AFF3: variants seen among roughly 807,000 people sequenced by gnomAD.
AFF3 encodes ALF transcription elongation factor 3, also known as AF4/FMR2 family member 3.
AFF3 carries 32 observed loss-of-function variants against 129.7 expected under a neutral mutation model. That is an observed-to-expected ratio of 0.25 (90% confidence interval 0.19 to 0.33). AFF3 has a LOEUF of 0.33. AFF3 is among the 10% of genes least tolerant of loss of function. The pLI, the probability that AFF3 is intolerant of heterozygous loss-of-function variation, is 1.00. For missense variants in AFF3, 1,373 were observed against 1,592.0 expected (o/e 0.86, Z 2.34); for synonymous variants, 644 against 635.4 (o/e 1.01, Z -0.20).
At chr2:99,746,660 T>C (rs1558810524) in intron 9 of AFF3, among the ~76,000 whole-genome samples, 1 of 152,094 alleles carries the variant, frequency 6.6e-6, no homozygotes, top group Non-Finnish European at 1.5e-5. Context: ...ATATCATCTG[T>C]AAGAATGATT....
At chr2:100,017,889 A>G (rs1267065463) in intron 4 of AFF3, among the ~76,000 whole-genome samples, 1 of 152,188 alleles carries the variant, frequency 6.6e-6, no homozygotes, top group East Asian at 1.9e-4. Flanking sequence ...CTGCTCACTG[A>G]CAAGCTTTGA....
chr2:99,888,957 G>A (rs1693331268), intron 7 of AFF3, among the ~76,000 whole-genome samples: 1 of 152,312 alleles, frequency 6.6e-6, no homozygotes, highest in Non-Finnish European at 1.5e-5. Flanking sequence ...TTGGCTTCAA[G>A]TGGTGGACGG....
intron 11 of AFF3, chr2:99,706,987 C>T: frequency 5.2e-6 from 3 of 576,838 alleles, no homozygotes; most frequent in Non-Finnish European, 6.6e-6. Context: ...TTTTATAGGA[C>T]ATTCACATTT....
intron 7 of AFF3, among the ~76,000 whole-genome samples, chr2:99,865,301 A>G (rs1294415980): frequency 1.3e-5 from 2 of 152,088 alleles, no homozygotes; most frequent in Admixed American, 6.6e-5. Flanking sequence ...CTTTGAGTGG[A>G]CTCTTTGAAG....
rs368005276 is a variant in AFF3, at chr2:99,908,521, C to T, written c.874-70997G>A. 2.7e-3 allele frequency among the ~76,000 whole-genome samples: 418 copies of T among 152,172 alleles called. 1 individual carries two copies. Among genetic ancestry groups the T allele is most frequent in the Middle Eastern group, 0.01 (3 of 294 alleles). Reference sequence around the variant, plus strand: ...AGCTTCTGCACAGCAAAAGAAACCACCATCAGAGTGAACAGGCAACCTACA... The same window carrying T: ...AGCTTCTGCACAGCAAAAGAAACCATCATCAGAGTGAACAGGCAACCTACA... On this transcript the variant is annotated intron_variant, in intron 7 of 24. Coordinates refer to ENST00000672756, the MANE Select transcript of AFF3 (RefSeq NM_001386135.1).
chr2:99,568,921 A>G lies in AFF3; in HGVS notation c.2919-6T>C. 6.2e-7 allele frequency: 1 copy of G among 1,613,852 alleles called. No homozygotes were observed. Among genetic ancestry groups the G allele is most frequent in the Non-Finnish European group, 8.5e-7 (1 of 1,179,750 alleles). On this transcript the variant is annotated splice_region_variant and splice_polypyrimidine_tract_variant and intron_variant, in intron 18 of 24. Transcript: ENST00000672756. ...AATAATCGGCACTGCGAGGCCTACAAGGAGAGAATGATATTAAACGTCATT... is the reference window on the plus strand; with the variant it reads ...AATAATCGGCACTGCGAGGCCTACAGGGAGAGAATGATATTAAACGTCATT...
At chr2:99,998,664 TGAAG>T (rs941497930) in intron 7 of AFF3, among the ~76,000 whole-genome samples, 4 of 152,206 alleles carry the variant, frequency 2.6e-5, no homozygotes, top group African/African-American at 9.6e-5. Flanking sequence ...ATGCTATTCC[TGAAG>T]GTTATGTCTG....
intron 8 of AFF3, among the ~76,000 whole-genome samples, chr2:99,779,650 A>G (rs1270586422): frequency 1.3e-5 from 2 of 152,176 alleles, no homozygotes; most frequent in Non-Finnish European, 2.9e-5. Flanking sequence ...TGTACCCAGT[A>G]GATAGTTTTT....
At chr2:99,581,501 C>T (rs898037091) in intron 17 of AFF3, among the ~76,000 whole-genome samples, 11 of 151,600 alleles carry the variant, frequency 7.3e-5, no homozygotes, top group African/African-American at 2.4e-4. Flanking sequence ...TCTTTCTCAT[C>T]TTTCTTTGCA....
At chr2:99,910,367 T>C (rs930365890) in intron 7 of AFF3, among the ~76,000 whole-genome samples, 3 of 152,220 alleles carry the variant, frequency 2.0e-5, no homozygotes, top group Non-Finnish European at 4.4e-5. Context: ...AATAATATAC[T>C]ATATTATGTA....
At chr2:99,871,309 G>A (rs1014527388) in intron 7 of AFF3, among the ~76,000 whole-genome samples, 1 of 152,114 alleles carries the variant, frequency 6.6e-6, no homozygotes. Flanking sequence ...AATTGGTTTC[G>A]GATGGACAGC....
chr2:99,688,740 T>G (rs1035609607), intron 11 of AFF3, among the ~76,000 whole-genome samples: 1 of 152,138 alleles, frequency 6.6e-6, no homozygotes, highest in Non-Finnish European at 1.5e-5. Flanking sequence ...ATGACATCCA[T>G]GACTGCTTCC....
At chr2:99,845,516 T>C (rs978468300) in intron 7 of AFF3, among the ~76,000 whole-genome samples, 9 of 152,154 alleles carry the variant, frequency 5.9e-5, no homozygotes, top group African/African-American at 2.2e-4. Context: ...TGGGGTCATG[T>C]CTCAAAAAAG....
intron 10 of AFF3, among the ~76,000 whole-genome samples, chr2:99,740,979 T>C (rs2105113652): frequency 6.6e-6 from 1 of 152,312 alleles, no homozygotes; most frequent in Non-Finnish European, 1.5e-5. Flanking sequence ...AATTTTTGTA[T>C]AAGGTGTAAG....
intron 8 of AFF3, among the ~76,000 whole-genome samples, chr2:99,798,920 A>G (rs1685739906): frequency 6.6e-6 from 1 of 152,056 alleles, no homozygotes; most frequent in Non-Finnish European, 1.5e-5. Context: ...TTTTCTGACT[A>G]ATGTAGCCTT....
At chr2:100,037,017 T>C (rs571551405) in intron 4 of AFF3, among the ~76,000 whole-genome samples, 3 of 152,236 alleles carry the variant, frequency 2.0e-5, no homozygotes, top group South Asian at 2.1e-4. Context: ...GGAGGGAAAC[T>C]TGGCAATATA....
At chr2:99,759,980 G>C (rs1303730425) in intron 8 of AFF3, among the ~76,000 whole-genome samples, 1 of 152,158 alleles carries the variant, frequency 6.6e-6, no homozygotes, top group African/African-American at 2.4e-5. Flanking sequence ...CTTACAACCA[G>C]AGGAAATGGG....
At chr2:99,801,973 A>G (rs1160882912) in intron 8 of AFF3, among the ~76,000 whole-genome samples, 1 of 152,244 alleles carries the variant, frequency 6.6e-6, no homozygotes, top group Non-Finnish European at 1.5e-5. Context: ...TATATTATGT[A>G]TCAATTATCA....
intron 4 of AFF3, among the ~76,000 whole-genome samples, chr2:100,059,643 G>A (rs1271068576): frequency 9.2e-5 from 14 of 152,320 alleles, no homozygotes; most frequent in East Asian, 5.8e-4. Flanking sequence ...TATAGCCAGC[G>A]TGGTTGTTGT....
Sources: gnomAD v4.1 joint callset for allele counts (sites outside exome capture counted in the v4.1 genomes callset) on GRCh38, gnomAD v4.1.1 for gene constraint, MANE v1.5 for transcripts, NCBI Gene and HGNC (gene_info 2026-07-23, HGNC 2026-07-21) for gene names.